IRF4: variants seen among roughly 807,000 people sequenced by gnomAD.
IRF4 encodes the protein lymphocyte-specific interferon regulatory factor.
Under a neutral mutation model 55.5 loss-of-function variants are expected in IRF4, and 13 were observed. The ratio of observed to expected loss-of-function variants is 0.23; its 90% CI spans 0.15 to 0.37. IRF4 has a LOEUF of 0.37. Ranked by LOEUF, IRF4 falls within the 10% of genes least tolerant of loss-of-function variation. The pLI is 1.00. For missense variants in IRF4, 397 were observed against 593.8 expected (o/e 0.67, Z 3.44); for synonymous variants, 249 against 240.7 (o/e 1.03, Z -0.32).
intron 8 of IRF4, among the ~76,000 whole-genome samples, chr6:407,080 A>C (rs569870146): frequency 6.6e-6 from 1 of 152,302 alleles, no homozygotes; most frequent in African/African-American, 2.4e-5. Flanking sequence ...TGTTTCTTTC[A>C]AACTGCAGTT....
At chr6:392,394 C>T (rs905059029) in intron 1 of IRF4, among the ~76,000 whole-genome samples, 1 of 152,142 alleles carries the variant, frequency 6.6e-6, no homozygotes, top group African/African-American at 2.4e-5. Flanking sequence ...CCCTCTCCCG[C>T]GCCCTCCCCG....
intron 7 of IRF4, among the ~76,000 whole-genome samples, chr6:404,054 T>C (rs1761477608): frequency 6.6e-6 from 1 of 152,182 alleles, no homozygotes; most frequent in Non-Finnish European, 1.5e-5. Flanking sequence ...TATCTTCCTA[T>C]TCAGGTCTGC....
At position 409,419 on chromosome 6, in the gene IRF4, C is replaced by T. The variant is rs1025544295; in HGVS notation, c.*1821C>T. ...GGGTGTTTATTCTTCCAACACATTT[C>T]ACTTTTCTGTAAATATACATAAACT... is the stretch of plus-strand genomic sequence containing the variant. On this transcript the variant is annotated 3_prime_UTR_variant, in exon 9 of 9. Transcript: ENST00000380956. 10 of 203,718 alleles carry T rather than the reference C, an allele frequency of 4.9e-5. No homozygotes were observed. The highest frequency in any genetic ancestry group is 8.1e-5 in the Non-Finnish European group (8 of 99,206). 12.6% of individuals were successfully genotyped at this position (203,718 alleles called of 1,614,324 possible).
intron 7 of IRF4, 83 bp downstream of exon 7, chr6:401,860 C>T (rs772543024): frequency 1.6e-5 from 21 of 1,277,170 alleles, no homozygotes; most frequent in Non-Finnish European, 2.3e-5. Flanking sequence ...GTCCCTCCCA[C>T]CCCAGGCTGA....
At chr6:400,278 T>G (rs1761363824) in intron 6 of IRF4, among the ~76,000 whole-genome samples, 1 of 152,220 alleles carries the variant, frequency 6.6e-6, no homozygotes, top group Non-Finnish European at 1.5e-5. Context: ...CCATTGATTT[T>G]GGGGTTCCAT....
intron 5 of IRF4, among the ~76,000 whole-genome samples, chr6:397,853 T>C (rs745619105): frequency 6.6e-6 from 1 of 152,188 alleles, no homozygotes; most frequent in Non-Finnish European, 1.5e-5. Flanking sequence ...AATCTAGCAA[T>C]GCGGTAACTC....
chr6:398,964 C>T (rs768779094), intron 6 of IRF4, 29 bp downstream of exon 6: 1 of 1,488,012 alleles, frequency 6.7e-7, no homozygotes, highest in East Asian at 2.3e-5. Context: ...CCTGGAGGCA[C>T]CGCAGGAGGC....
chr6:398,810 T>G lies in IRF4; in HGVS notation c.638-18T>G, dbSNP rs1053846156. On this transcript the variant is annotated intron_variant, in intron 5 of 8. Transcript: ENST00000380956. The stretch of plus-strand genomic sequence containing the variant: ...ACTCTCTGTCTAGACATCATCTGAT[T>G]TTTATTTGCAAATGCAGGTTGCCAG... 1 of 1,593,538 alleles carries G rather than the reference T, an allele frequency of 6.3e-7. No individual in the cohort carries two copies. The highest frequency in any genetic ancestry group is 8.6e-7 in the Non-Finnish European group (1 of 1,161,910).
chr6:398,255 T>C (rs1386289142), intron 5 of IRF4, among the ~76,000 whole-genome samples: 2 of 152,184 alleles, frequency 1.3e-5, no homozygotes, highest in Non-Finnish European at 2.9e-5. Flanking sequence ...TGTAAAGTGA[T>C]GGAGTAGGTA....
chr6:394,777 G>A (rs1349850184), intron 2 of IRF4, 44 bp from the exon 3 acceptor site: 8 of 1,561,802 alleles, frequency 5.1e-6, no homozygotes, highest in Non-Finnish European at 6.1e-6. Context: ...TAATAAACCA[G>A]ACATGTATTT....
rs1304739176 is a variant in IRF4 at position 408,302 on chromosome 6, C to A, written c.*704C>A. 7 of 232,044 alleles carry A rather than the reference C, an allele frequency of 3.0e-5. No individual in the cohort carries two copies. Among genetic ancestry groups the A allele is most frequent in the Non-Finnish European group, 6.0e-5 (7 of 117,192 alleles). 14.4% of individuals were successfully genotyped at this position (232,044 alleles called of 1,614,324 possible). On this transcript the variant is annotated 3_prime_UTR_variant, in exon 9 of 9. Coordinates refer to ENST00000380956, the MANE Select transcript of IRF4 (RefSeq NM_002460.4). ...CACTTGCTGAGTGAAGGAAATGAAT[C>A]TTTGACTGAAGCCGTGCCTGTAGCC...
At chr6:399,698 C>G (rs1003168434) in intron 6 of IRF4, among the ~76,000 whole-genome samples, 2 of 152,208 alleles carry the variant, frequency 1.3e-5, no homozygotes, top group African/African-American at 4.8e-5. Flanking sequence ...CCTCTGGCAT[C>G]TTTAAAAATC....
rs1482058603 is a variant in IRF4 at position 393,128 on chromosome 6, C to T, written c.-25C>T. On this transcript the variant is annotated 5_prime_UTR_variant, in exon 2 of 9. Coordinates refer to ENST00000380956, the MANE Select transcript of IRF4 (RefSeq NM_002460.4). The surrounding 1 kb of genome is among the most constrained non-coding windows in gnomAD (Gnocchi z 5.4). ...AGCAGAGCGGGCGGAGGACCCCGGGCGCGGGCGCGGACGGCACGCGGGGCA... is the reference window on the plus strand; with the variant it reads ...AGCAGAGCGGGCGGAGGACCCCGGGTGCGGGCGCGGACGGCACGCGGGGCA... The T allele has an allele frequency of 1.3e-6, 2 of 1,543,558 alleles. No individual in the cohort carries two copies. Among genetic ancestry groups the T allele is most frequent in the Non-Finnish European group, 1.7e-6 (2 of 1,143,090 alleles).
In IRF4 at chr6:392,128, G is replaced by T. The variant is rs1391304100; in HGVS notation, c.-56+319G>T. On this transcript the variant is annotated intron_variant, in intron 1 of 8. Transcript: ENST00000380956. ...GGGGCCCCAGGAGTGGCTGAGGCGG[G>T]GCCGTCCAAGGCACCCACACAAGAC... 6.6e-5 allele frequency among the ~76,000 whole-genome samples: 10 copies of T among 152,336 alleles called. 3 individuals carry two copies. The highest frequency in any genetic ancestry group is 2.4e-4 in the African/African-American group (10 of 41,580).
Position 410,454 on chromosome 6 carries a change from G to C in IRF4, c.*2856G>C, listed in dbSNP as rs1220427163. 4.4e-6 allele frequency: 1 copy of C among 229,110 alleles called. No individual in the cohort carries two copies. The highest frequency in any genetic ancestry group is 6.2e-5 in the East Asian group (1 of 16,232). The allele number at this position is 229,110 out of a possible 1,614,324, so 14.2% of individuals were successfully genotyped here. A position where few individuals can be genotyped will look rare whatever the true frequency, so the allele number is the denominator to read the frequency against. ...GACTATTGGGTATGAACTAAAAAGA[G>C]ACTGTGCCATGGTGAGAAAAATGTA... is the stretch of plus-strand genomic sequence containing the variant. On this transcript the variant is annotated 3_prime_UTR_variant, in exon 9 of 9. Transcript: ENST00000380956.
At position 397,090 on chromosome 6, in the gene IRF4, T is replaced by A; in HGVS notation, c.493-18T>A. 1.2e-6 allele frequency: 2 copies of A among 1,613,688 alleles called. No individual in the cohort carries two copies. The highest frequency in any genetic ancestry group is 1.7e-6 in the Non-Finnish European group (2 of 1,179,730). On this transcript the variant is annotated intron_variant, in intron 4 of 8. Transcript: ENST00000380956. ...AATGCCAGTGCTTCTTATCTCAGCC[T>A]CTCCTGCACTCCTTTAGCAGGTTCA...
intron 7 of IRF4, among the ~76,000 whole-genome samples, chr6:402,456 T>C (rs1170774280): frequency 6.7e-6 from 1 of 148,860 alleles, no homozygotes; most frequent in Non-Finnish European, 1.5e-5. Context: ...AGGGAGCTGC[T>C]CTACCCGCCA....
At chr6:392,503 T>G (rs1291727560) in intron 1 of IRF4, among the ~76,000 whole-genome samples, 1 of 152,214 alleles carries the variant, frequency 6.6e-6, no homozygotes, top group African/African-American at 2.4e-5. Flanking sequence ...CCACTTGTCG[T>G]TTGCAGAGCC....
At chr6:391,925 G>T (rs1411371470) in intron 1 of IRF4, 116 bp downstream of exon 1, 1 of 443,070 alleles carries the variant, frequency 2.3e-6, no homozygotes. Context: ...CTTCGGAGCG[G>T]GAAGGGAGCG....
Sources: gnomAD v4.1 joint callset for allele counts (sites outside exome capture counted in the v4.1 genomes callset) on GRCh38, gnomAD v4.1.1 for gene constraint, Gnocchi (gnomAD v3.1) non-coding constraint, MANE v1.5 for transcripts, NCBI Gene and HGNC (gene_info 2026-07-23, HGNC 2026-07-21) for gene names.